KCNMA1: variants seen among roughly 807,000 people sequenced by gnomAD.
KCNMA1 encodes the protein potassium calcium-activated channel subfamily M alpha 1.
Under a neutral mutation model 140.0 loss-of-function variants are expected in KCNMA1, and 29 were observed. The observed-to-expected ratio is 0.21, with a 90% confidence interval of 0.15 to 0.28. KCNMA1 has a LOEUF of 0.28. Ranked by LOEUF, KCNMA1 falls within the 10% of genes least tolerant of loss-of-function variation. The pLI, the probability that KCNMA1 is intolerant of heterozygous loss-of-function variation, is 1.00. For missense variants in KCNMA1, 880 were observed against 1,602.2 expected (o/e 0.55, Z 7.70); for synonymous variants, 612 against 611.9 (o/e 1.00, Z 0.00).
chr10:77,311,106 G>C (rs2079139255), intron 2 of KCNMA1, among the ~76,000 whole-genome samples: 2 of 152,214 alleles, frequency 1.3e-5, no homozygotes, highest in Admixed American at 1.3e-4. Context: ...TTCTGAGAAA[G>C]ACTCTTAAAT....
At chr10:76,914,334 C>T in intron 24 of KCNMA1, 1 of 573,560 alleles carries the variant, frequency 1.7e-6, no homozygotes, top group Non-Finnish European at 3.1e-6. Context: ...GTGCCATGGC[C>T]AGGTTAGAAG....
At chr10:77,037,362 T>C (rs957941407) in intron 15 of KCNMA1, among the ~76,000 whole-genome samples, 11 of 152,232 alleles carry the variant, frequency 7.2e-5, no homozygotes, top group African/African-American at 2.7e-4. Context: ...GGTCTTGCAT[T>C]GTCACATTAG....
At chr10:77,331,878 A>C (rs541778484) in intron 2 of KCNMA1, among the ~76,000 whole-genome samples, 52 of 152,262 alleles carry the variant, frequency 3.4e-4, no homozygotes, top group African/African-American at 1.3e-3. Flanking sequence ...CCTGGGGAGC[A>C]CTGCAAAGCC....
chr10:76,874,896 G>T (rs1380036163), downstream of KCNMA1: 3 of 152,200 alleles, frequency 2.0e-5, no homozygotes, highest in South Asian at 6.2e-4. Context: ...CAGCCTGTTG[G>T]TGACCCACAG....
At chr10:76,993,613 C>G (rs1219919221) in intron 19 of KCNMA1, among the ~76,000 whole-genome samples, 1 of 152,236 alleles carries the variant, frequency 6.6e-6, no homozygotes, top group African/African-American at 2.4e-5. Flanking sequence ...AGGCTCCCCT[C>G]TGTTTGTCTC....
chr10:77,079,761 G>A (rs979283745), intron 12 of KCNMA1: 1 of 604,044 alleles, frequency 1.7e-6, no homozygotes, highest in African/African-American at 1.8e-5. Context: ...GACAAGCCCA[G>A]CAGTGTGCCC....
intron 2 of KCNMA1, among the ~76,000 whole-genome samples, chr10:77,308,824 T>A (rs2078508831): frequency 6.6e-6 from 1 of 152,206 alleles, no homozygotes; most frequent in South Asian, 2.1e-4. Context: ...GCTACAGTTA[T>A]CTTTGAGATC....
At chr10:77,027,735 A>G in intron 16 of KCNMA1, 88 bp downstream of exon 16, 1 of 1,038,574 alleles carries the variant, frequency 9.6e-7, no homozygotes, top group Non-Finnish European at 1.5e-6. Flanking sequence ...TAAATAATGC[A>G]CAAGAAAGCA....
intron 3 of KCNMA1, among the ~76,000 whole-genome samples, chr10:77,198,805 G>A (rs1051163485): frequency 6.6e-6 from 1 of 151,990 alleles, no homozygotes; most frequent in East Asian, 1.9e-4. Flanking sequence ...AAATGGTACG[G>A]TCTAGTCCTA....
chr10:77,619,085 T>C (rs2090524748), intron 1 of KCNMA1, among the ~76,000 whole-genome samples: 2 of 152,224 alleles, frequency 1.3e-5, no homozygotes, highest in Admixed American at 1.3e-4. Context: ...CTTCACTAAA[T>C]AGTAATTATT....
At chr10:77,519,495 A>AT (rs5786291) in intron 1 of KCNMA1, among the ~76,000 whole-genome samples, 82 of 151,324 alleles carry the variant, frequency 5.4e-4, no homozygotes, top group Middle Eastern at 3.4e-3. Context: ...AAGATAATTG[A>AT]TTTTTTTTTT....
intron 1 of KCNMA1, among the ~76,000 whole-genome samples, chr10:77,441,570 C>T (rs1214024484): frequency 2.6e-5 from 4 of 151,906 alleles, no homozygotes; most frequent in Non-Finnish European, 5.9e-5. Context: ...CACCCCCTCG[C>T]AGGGTTATAT....
chr10:77,618,445 C>T (rs148566410), intron 1 of KCNMA1, among the ~76,000 whole-genome samples: 47 of 152,186 alleles, frequency 3.1e-4, no homozygotes, highest in Non-Finnish European at 4.4e-4. Context: ...AAACCAGCAG[C>T]GTGGTGTGGT....
intron 9 of KCNMA1, among the ~76,000 whole-genome samples, chr10:77,106,273 AAGAGAG>A (rs892023228): frequency 6.6e-6 from 1 of 151,568 alleles, no homozygotes; most frequent in African/African-American, 2.4e-5. Flanking sequence ...AAAAAAGAGA[AAGAGAG>A]AGAGAGAGAG....
In KCNMA1 at chr10:77,064,449, A is replaced by G. The variant is rs569075359; in HGVS notation, c.1749+8648T>C. 6.6e-5 allele frequency among the ~76,000 whole-genome samples: 10 copies of G among 152,298 alleles called. No homozygotes were observed. In the East Asian group the frequency reaches 1.7e-3, roughly 26 times the overall value. On this transcript the variant is annotated intron_variant, in intron 14 of 27. Coordinates refer to ENST00000286628, the MANE Select transcript of KCNMA1 (RefSeq NM_001161352.2). The stretch of plus-strand genomic sequence containing the variant: ...GAAGATCCGTTGACATTTTCTGGCA[A>G]TCTATCTTCTAACATGCTGTATGGG...
chr10:77,486,750 C>G (rs2098465537), intron 1 of KCNMA1, among the ~76,000 whole-genome samples: 1 of 152,222 alleles, frequency 6.6e-6, no homozygotes, highest in African/African-American at 2.4e-5. Context: ...TGGCCCCGGG[C>G]AAAGCCCAAG....
At position 77,544,150 on chromosome 10, in the gene KCNMA1, C is replaced by CTGTGTGTG. The variant is rs35370605; in HGVS notation, c.378+93107_378+93114dup. Among the ~76,000 whole-genome samples, 391 of 142,552 alleles carry CTGTGTGTG rather than the reference C, an allele frequency of 2.7e-3. 2 individuals are homozygous for CTGTGTGTG. Among genetic ancestry groups the CTGTGTGTG allele is most frequent in the African/African-American group, 8.0e-3 (307 of 38,214 alleles). The allele number at this position is 142,552 out of a possible 152,430, so 93.5% of individuals were successfully genotyped here. ...ATCTGTGATCTACATATCTTTCCAGCTGTGTGTGTGTGTGTGTGTGTGTGT... is the reference window on the plus strand; with the variant it reads ...ATCTGTGATCTACATATCTTTCCAGCTGTGTGTGTGTGTGTGTGTGTGTGTGTGTGTGT... On this transcript the variant is annotated intron_variant, in intron 1 of 27. Transcript: ENST00000286628.
At chr10:77,334,828 A>C (rs950982170) in intron 2 of KCNMA1, among the ~76,000 whole-genome samples, 3 of 152,246 alleles carry the variant, frequency 2.0e-5, no homozygotes, top group African/African-American at 7.2e-5. Flanking sequence ...GTTAATTTTG[A>C]TACTATTTTG....
intron 1 of KCNMA1, among the ~76,000 whole-genome samples, chr10:77,632,442 T>C (rs2093322346): frequency 6.6e-6 from 1 of 152,120 alleles, no homozygotes; most frequent in African/African-American, 2.4e-5. Context: ...AATGCCACAG[T>C]GTTTCCCTTC....
Sources: gnomAD v4.1 joint callset for allele counts (sites outside exome capture counted in the v4.1 genomes callset) on GRCh38, gnomAD v4.1.1 for gene constraint, MANE v1.5 for transcripts, NCBI Gene and HGNC (gene_info 2026-07-23, HGNC 2026-07-21) for gene names.